The following DCBLD2 variants were observed in gnomAD, a reference collection of about 807,000 sequenced individuals.
DCBLD2 encodes the protein discoidin, CUB and LCCL domain containing 2, also known as discoidin, CUB and LCCL domain-containing protein 2.
DCBLD2 carries 54 observed loss-of-function variants against 86.8 expected under a neutral mutation model. That is an observed-to-expected ratio of 0.62 (90% CI 0.50 to 0.78). The LOEUF is 0.78. DCBLD2 is among the 30% of genes least tolerant of loss of function. DCBLD2 has a pLI of 0.00. For missense variants in DCBLD2, 908 were observed against 954.2 expected, an observed-to-expected ratio of 0.95 and a Z score of 0.64; for synonymous variants, 354 against 341.3, an observed-to-expected ratio of 1.04 and a Z score of -0.41.
At chr3:98,862,017 G>A (rs375793555) in intron 2 of DCBLD2, among the ~76,000 whole-genome samples, 4 of 151,714 alleles carry the variant, frequency 2.6e-5, no homozygotes, top group East Asian at 1.9e-4. Context: ...TCAAATAGAC[G>A]CAATAAAAAA....
At chr3:98,824,483 C>T (rs1942181040) in intron 4 of DCBLD2, among the ~76,000 whole-genome samples, 1 of 152,062 alleles carries the variant, frequency 6.6e-6, no homozygotes, top group East Asian at 1.9e-4. Context: ...GAAGAGGGCA[C>T]CCTTCCCACA....
In DCBLD2 at chr3:98,812,490, A is replaced by T; in HGVS notation, c.1213-8T>A. 1 of 1,608,728 alleles carries T rather than the reference A, an allele frequency of 6.2e-7. No homozygotes were observed. The highest frequency in any genetic ancestry group is 1.7e-4 in the Middle Eastern group (1 of 6,046). On this transcript the variant is annotated splice_region_variant and splice_polypyrimidine_tract_variant and intron_variant, in intron 9 of 15. Coordinates refer to ENST00000326840, the MANE Select transcript of DCBLD2 (RefSeq NM_080927.4). ...TTTGTTTCCTTGAAATATCTTTAAA[A>T]AAACAACAAAAAATTGGTACTTCAA...
chr3:98,854,344 T>C (rs921476704), intron 2 of DCBLD2, among the ~76,000 whole-genome samples: 1 of 152,184 alleles, frequency 6.6e-6, no homozygotes, highest in African/African-American at 2.4e-5. Context: ...GATGTACAAA[T>C]TAACCCCCTG....
intron 6 of DCBLD2, 79 bp from the exon 7 acceptor site, chr3:98,820,367 A>T (rs998098489): frequency 8.9e-7 from 1 of 1,124,140 alleles, no homozygotes; most frequent in Non-Finnish European, 1.2e-6. Context: ...TTTTCTTTTG[A>T]TTTGGTTCCC....
intron 1 of DCBLD2, 49 bp downstream of exon 1, chr3:98,901,073 C>T: frequency 6.5e-7 from 1 of 1,536,150 alleles, no homozygotes; most frequent in African/African-American, 1.4e-5. Flanking sequence ...AAGAGACCCG[C>T]AGCCCCGACG....
Position 98,796,313 on chromosome 3 carries a change from A to T in DCBLD2, c.*3059T>A, listed in dbSNP as rs1941593992. 1 of 132,918 alleles carries T rather than the reference A, an allele frequency of 7.5e-6. No individual in the cohort carries two copies. The highest frequency in any genetic ancestry group is 1.7e-5 in the Non-Finnish European group (1 of 59,248). 8.2% of individuals were successfully genotyped at this position (132,918 alleles called of 1,614,324 possible). ...TGGATTACATTAGAATTGGTGCCAC[A>T]GTTGACTTTAAAAGCATTTTAATAA... On this transcript the variant is annotated 3_prime_UTR_variant, in exon 16 of 16. Transcript: ENST00000326840.
chr3:98,864,853 TAAAAAA>T (rs1418327291), intron 2 of DCBLD2, among the ~76,000 whole-genome samples: 1 of 151,342 alleles, frequency 6.6e-6, no homozygotes, highest in African/African-American at 2.4e-5. Context: ...TAAATAATAA[TAAAAAA>T]AGAAAAAATG....
At chr3:98,834,557 CT>C (rs2107462488) in intron 3 of DCBLD2, among the ~76,000 whole-genome samples, 1 of 152,198 alleles carries the variant, frequency 6.6e-6, no homozygotes, top group South Asian at 2.1e-4. Flanking sequence ...GTGATATTTG[CT>C]TATCCATGCT....
At chr3:98,809,908 T>C (rs1941908168) in intron 12 of DCBLD2, among the ~76,000 whole-genome samples, 1 of 152,168 alleles carries the variant, frequency 6.6e-6, no homozygotes, top group Non-Finnish European at 1.5e-5. Flanking sequence ...TCCATAAGAT[T>C]AGTGAGACAA....
At position 98,811,214 on chromosome 3, in the gene DCBLD2, A is replaced by T; in HGVS notation, c.1556T>A (p.Val519Glu). The T allele has an allele frequency of 1.9e-6, 3 of 1,608,286 alleles. No individual in the cohort carries two copies. The highest frequency in any genetic ancestry group is 2.5e-6 in the Non-Finnish European group (3 of 1,178,162). Residue 519 changes from valine to glutamate, a missense_variant, in exon 12 of 16, where the codon GTA becomes GAA. Physicochemically the swap from Val to Glu is moderately radical, Grantham distance 121. Coordinates refer to ENST00000326840, the MANE Select transcript of DCBLD2 (RefSeq NM_080927.4). The stretch of plus-strand genomic sequence containing the variant: ...CATACCTTTGGTTACATTTGGAGTT[A>T]CGGTAGTATTTCTGATATCAGGACT... ...TASPDIRNTTVTPNVTKDVAL... is the reference protein window; with the variant it reads ...TASPDIRNTTETPNVTKDVAL...
rs1027281984 is a variant in DCBLD2, at chr3:98,819,691, G to A, written c.872-274C>T. 1.5e-4 allele frequency among the ~76,000 whole-genome samples: 23 copies of A among 152,140 alleles called. 1 individual carries two copies. Among genetic ancestry groups the A allele is most frequent in the Non-Finnish European group, 8.8e-5 (6 of 68,042 alleles). On this transcript the variant is annotated intron_variant, in intron 7 of 15. Transcript: ENST00000326840. ...CCTGGGACACTCTTCCCAAATAACT[G>A]AGTAACTCACTCCTTTACCTCCTTC...
At chr3:98,809,027 A>G (rs1941888257) in intron 12 of DCBLD2, among the ~76,000 whole-genome samples, 1 of 152,090 alleles carries the variant, frequency 6.6e-6, no homozygotes, top group Non-Finnish European at 1.5e-5. Flanking sequence ...ATTCATATAT[A>G]TATATATGGG....
At chr3:98,900,959 G>T (rs1036770577) in intron 1 of DCBLD2, 163 bp downstream of exon 1, 40 of 1,262,518 alleles carry the variant, frequency 3.2e-5, no homozygotes, top group Non-Finnish European at 4.1e-5. Flanking sequence ...AGACGGGCAA[G>T]ACCTTGCCTT....
rs762239538 is a variant in DCBLD2 at position 98,832,357 on chromosome 3, C to T, written c.572-6991G>A. 9.2e-5 allele frequency among the ~76,000 whole-genome samples: 14 copies of T among 152,126 alleles called. 1 individual carries two copies. Among genetic ancestry groups the T allele is most frequent in the Admixed American group, 3.3e-4 (5 of 15,264 alleles). ...TGCATGTGAGATGGGTTCCTGAAGA[C>T]GGCGTATCATTGGGTCTTGCTTTTT... On this transcript the variant is annotated intron_variant, in intron 3 of 15. Transcript: ENST00000326840.
At position 98,848,202 on chromosome 3, in the gene DCBLD2, A is replaced by G. The variant is rs190138290; in HGVS notation, c.571+1259T>C. ...TGTTTTCATAATTTAGCTCCTATTTATATGTGAAAACATGCAGTATTTGGT... is the reference window on the plus strand; with the variant it reads ...TGTTTTCATAATTTAGCTCCTATTTGTATGTGAAAACATGCAGTATTTGGT... On this transcript the variant is annotated intron_variant, in intron 3 of 15. Transcript: ENST00000326840. Among the ~76,000 whole-genome samples, 14 of 152,180 alleles carry G rather than the reference A, an allele frequency of 9.2e-5. No individual in the cohort carries two copies. The East Asian group carries it at 2.3e-3, about 25-fold the overall frequency.
intron 13 of DCBLD2, among the ~76,000 whole-genome samples, chr3:98,807,639 A>C (rs1941864568): frequency 1.3e-5 from 2 of 152,158 alleles, no homozygotes; most frequent in Admixed American, 6.5e-5. Context: ...TATCTAGCCA[A>C]CTACAATTCC....
At chr3:98,837,894 T>A (rs7624157) in intron 3 of DCBLD2, among the ~76,000 whole-genome samples, 1 of 70,268 alleles carries the variant, frequency 1.4e-5, no homozygotes. Context: ...CCCTCCCGGA[T>A]GGGGCGGCTG....
chr3:98,827,973 G>C (rs182789111), intron 3 of DCBLD2, among the ~76,000 whole-genome samples: 265 of 152,272 alleles, frequency 1.7e-3, no homozygotes, highest in Admixed American at 6.5e-3. Context: ...CAATTCAATG[G>C]GGGGAAGAAT....
chr3:98,809,707 A>C (rs1369366936), intron 12 of DCBLD2, among the ~76,000 whole-genome samples: 1 of 152,212 alleles, frequency 6.6e-6, no homozygotes, highest in Non-Finnish European at 1.5e-5. Context: ...GCCTTTCAGA[A>C]GGTCAGCCAG....
Sources: gnomAD v4.1 joint callset for allele counts (sites outside exome capture counted in the v4.1 genomes callset) on GRCh38, gnomAD v4.1.1 for gene constraint, MANE v1.5 for transcripts, NCBI Gene and HGNC (gene_info 2026-07-23, HGNC 2026-07-21) for gene names.